KANK1: variants seen among roughly 807,000 people sequenced by gnomAD.
The protein encoded by KANK1 is KN motif and ankyrin repeat domain-containing protein 1.
A neutral mutation model predicts 106.2 loss-of-function variants in KANK1; 109 were observed. The ratio of observed to expected loss-of-function variants is 1.03; its 90% CI spans 0.88 to 1.20. The LOEUF is 1.20. Ranked by LOEUF, KANK1 falls within the 50% of genes most tolerant of loss-of-function variation. KANK1 has a pLI of 0.00. For synonymous variants in KANK1, 873 were observed against 652.2 expected (o/e 1.34, Z -5.16); for missense variants, 2,399 against 1,710.7 (o/e 1.40, Z -7.10).
At chr9:621,155 A>T (rs747422922) in intron 1 of KANK1, among the ~76,000 whole-genome samples, 26 of 152,200 alleles carry the variant, frequency 1.7e-4, no homozygotes, top group Non-Finnish European at 3.4e-4. Flanking sequence ...ATATTTAGCT[A>T]AAAATTTTTC....
chr9:570,296 TAGTA>T (rs1818849987), intron 1 of KANK1, among the ~76,000 whole-genome samples: 1 of 152,236 alleles, frequency 6.6e-6, no homozygotes, highest in Non-Finnish European at 1.5e-5. Flanking sequence ...TTGATGTCCT[TAGTA>T]AGCCCCGAAT....
intron 2 of KANK1, among the ~76,000 whole-genome samples, chr9:700,359 G>C (rs897695434): frequency 1.6e-4 from 24 of 152,160 alleles, no homozygotes; most frequent in African/African-American, 5.3e-4. Flanking sequence ...AAAGAGCTTA[G>C]TGCTAACAGT....
At chr9:574,319 A>G (rs1384867318) in intron 1 of KANK1, among the ~76,000 whole-genome samples, 1 of 149,670 alleles carries the variant, frequency 6.7e-6, no homozygotes, top group Non-Finnish European at 1.5e-5. Flanking sequence ...GCTCGAGGGA[A>G]CATTCCTTTG....
At chr9:488,680 T>G (rs7849569) in intron 3 of KANK1, among the ~76,000 whole-genome samples, 9,969 of 152,240 alleles carry the variant, frequency 0.065, 1,120 homozygotes, top group African/African-American at 0.23. Context: ...ACTGTGACTG[T>G]CTTGTAAGAG....
intron 1 of KANK1, among the ~76,000 whole-genome samples, chr9:637,934 G>C (rs1157330081): frequency 6.6e-6 from 1 of 152,156 alleles, no homozygotes; most frequent in African/African-American, 2.4e-5. Flanking sequence ...CAGAGACTCT[G>C]GTTCCTACTC....
chr9:571,512 A>G (rs149344888), intron 1 of KANK1, among the ~76,000 whole-genome samples: 9 of 152,244 alleles, frequency 5.9e-5, no homozygotes, highest in African/African-American at 2.2e-4. Context: ...AACAAGGTAG[A>G]TTACTTTTTT....
intron 1 of KANK1, among the ~76,000 whole-genome samples, chr9:652,349 C>T (rs1321437177): frequency 1.3e-5 from 2 of 151,920 alleles, no homozygotes; most frequent in African/African-American, 2.4e-5. Context: ...GGTGAAACCC[C>T]GTATCTACTA....
At chr9:725,382 A>G (rs1279707326) in intron 3 of KANK1, among the ~76,000 whole-genome samples, 1 of 151,842 alleles carries the variant, frequency 6.6e-6, no homozygotes, top group East Asian at 1.9e-4. Context: ...AGCCCCAGCT[A>G]CTTGGGAGGC....
At chr9:745,093 C>T in intron 11 of KANK1, 80 bp from the exon 12 acceptor site, 1 of 1,564,632 alleles carries the variant, frequency 6.4e-7, no homozygotes, top group African/African-American at 1.4e-5. Context: ...CTGTGGTGGG[C>T]CAAGATCCTA....
At chr9:564,353 T>C (rs998032057) in intron 1 of KANK1, among the ~76,000 whole-genome samples, 2 of 152,226 alleles carry the variant, frequency 1.3e-5, no homozygotes, top group South Asian at 2.1e-4. Flanking sequence ...GGAGCCACCG[T>C]GCCCGGCCAG....
chr9:482,058 TC>T (rs1209928018), intron 3 of KANK1, among the ~76,000 whole-genome samples: 2 of 152,214 alleles, frequency 1.3e-5, no homozygotes, highest in Non-Finnish European at 2.9e-5. Flanking sequence ...TCTGGACCTC[TC>T]CCTTCTTATG....
intron 3 of KANK1, among the ~76,000 whole-genome samples, chr9:729,673 G>C (rs1048930256): frequency 6.6e-6 from 1 of 152,194 alleles, no homozygotes; most frequent in African/African-American, 2.4e-5. Context: ...CTTTTTAGGC[G>C]TTGTCACATT....
At chr9:699,039 G>A (rs904282397) in intron 2 of KANK1, among the ~76,000 whole-genome samples, 2 of 152,112 alleles carry the variant, frequency 1.3e-5, no homozygotes, top group South Asian at 2.1e-4. Flanking sequence ...TCTTAAAAGT[G>A]GCAGGTTTTG....
At chr9:506,660 G>A (rs2058772496) in intron 1 of KANK1, among the ~76,000 whole-genome samples, 1 of 152,160 alleles carries the variant, frequency 6.6e-6, no homozygotes, top group Non-Finnish European at 1.5e-5. Context: ...AAAACCACAG[G>A]CAAATGGCCA....
intron 1 of KANK1, among the ~76,000 whole-genome samples, chr9:586,341 C>A (rs955976984): frequency 6.6e-6 from 1 of 152,124 alleles, no homozygotes; most frequent in African/African-American, 2.4e-5. Flanking sequence ...AGCAATTTCT[C>A]TGTAAGAGAG....
intron 1 of KANK1, among the ~76,000 whole-genome samples, chr9:575,171 G>A (rs909336885): frequency 6.6e-6 from 1 of 152,212 alleles, no homozygotes; most frequent in Non-Finnish European, 1.5e-5. Flanking sequence ...CAAAGACAAG[G>A]CAGCAGCTGA....
chr9:586,335 A>G (rs964010140), intron 1 of KANK1, among the ~76,000 whole-genome samples: 3 of 152,188 alleles, frequency 2.0e-5, no homozygotes, highest in Non-Finnish European at 4.4e-5. Flanking sequence ...GATGAAAGCA[A>G]TTTCTCTGTA....
intron 1 of KANK1, among the ~76,000 whole-genome samples, 163 bp downstream of exon 1, chr9:504,917 G>T (rs1201184795): frequency 6.6e-6 from 1 of 150,384 alleles, no homozygotes; most frequent in African/African-American, 2.4e-5. Flanking sequence ...GCCCCCGCGG[G>T]CTCCCGCTCG....
chr9:572,459 G>C (rs1023270299), intron 1 of KANK1, among the ~76,000 whole-genome samples: 72 of 152,152 alleles, frequency 4.7e-4, no homozygotes, highest in African/African-American at 1.6e-3. Context: ...AGCTGAGACA[G>C]GAGACTGGCG....
Sources: allele counts gnomAD v4.1 joint callset (sites outside exome capture counted in the v4.1 genomes callset), GRCh38; gene constraint gnomAD v4.1.1; transcripts MANE v1.5; gene names NCBI Gene and HGNC (gene_info 2026-07-23, HGNC 2026-07-21).